Variants in MYO10 observed in about 807,000 individuals in gnomAD.
MYO10 encodes the protein unconventional myosin-X.
MYO10 carries 133 observed loss-of-function variants against 257.3 expected under a neutral mutation model. The ratio of observed to expected loss-of-function variants is 0.52; its 90% confidence interval spans 0.45 to 0.60. MYO10 has a LOEUF of 0.60. Among genes scored for constraint, MYO10 ranks in the 20% least tolerant of loss-of-function variants. The pLI is 0.00. For missense variants in MYO10, 2,399 were observed against 2,635.7 expected (o/e 0.91, Z 1.97); for synonymous variants, 1,104 against 1,028.6 (o/e 1.07, Z -1.40).
rs145600391 is a variant in MYO10 at position 16,917,005 on chromosome 5, G to C, written c.21+18783C>G. Among the ~76,000 whole-genome samples, 519 of 152,128 alleles carry C rather than the reference G, an allele frequency of 3.4e-3. 1 individual carries two copies. Among genetic ancestry groups the C allele is most frequent in the Middle Eastern group, 0.014 (4 of 292 alleles). ...TCAGGTCCGTATTGTCTGTTCCTTC[G>C]CTTCTTAGGATCAGTGGAAACTCAA... On this transcript the variant is annotated intron_variant, in intron 1 of 40. Transcript: ENST00000513610.
intron 19 of MYO10, among the ~76,000 whole-genome samples, chr5:16,749,709 A>G (rs953068488): frequency 6.6e-6 from 1 of 152,220 alleles, no homozygotes; most frequent in Non-Finnish European, 1.5e-5. Flanking sequence ...TCCTGGACAC[A>G]GCAAACCTAA....
intron 1 of MYO10, among the ~76,000 whole-genome samples, chr5:16,908,862 A>G (rs560921379): frequency 7.2e-5 from 11 of 152,352 alleles, no homozygotes; most frequent in South Asian, 2.1e-4. Flanking sequence ...GAAAGCAGCC[A>G]AACACAAAAG....
intron 2 of MYO10, among the ~76,000 whole-genome samples, chr5:16,838,911 GGT>G (rs1743389990): frequency 6.6e-6 from 1 of 152,128 alleles, no homozygotes; most frequent in Non-Finnish European, 1.5e-5. Flanking sequence ...TTTACAGCAT[GGT>G]TTTAGTGATA....
At chr5:16,914,404 T>C (rs908051927) in intron 1 of MYO10, among the ~76,000 whole-genome samples, 1 of 152,136 alleles carries the variant, frequency 6.6e-6, no homozygotes, top group East Asian at 1.9e-4. Context: ...GAACCTAACA[T>C]GCGTTATCAG....
In MYO10 at chr5:16,707,834, T is replaced by C. The variant is rs188583271; in HGVS notation, c.2169+3074A>G. 1.5e-4 allele frequency among the ~76,000 whole-genome samples: 23 copies of C among 152,360 alleles called. No individual in the cohort carries two copies. The East Asian group carries it at 4.4e-3, about 29-fold the overall frequency. On this transcript the variant is annotated intron_variant, in intron 21 of 40. Transcript: ENST00000513610. Reference sequence around the variant, plus strand: ...GCTTCTCCAGTCCTCTAGGTAAGAATGCTTGCCTTACAAGAACAAATATGT... The same window carrying C: ...GCTTCTCCAGTCCTCTAGGTAAGAACGCTTGCCTTACAAGAACAAATATGT...
intron 1 of MYO10, among the ~76,000 whole-genome samples, chr5:16,882,249 G>A (rs1561036442): frequency 6.6e-6 from 1 of 152,150 alleles, no homozygotes; most frequent in South Asian, 2.1e-4. Flanking sequence ...TGCCAACAAT[G>A]ATTTCCTGGA....
Position 16,736,895 on chromosome 5 carries a change from T to C in MYO10, c.1929+17933A>G, listed in dbSNP as rs183454289. Among the ~76,000 whole-genome samples, 11 of 152,344 alleles carry C rather than the reference T, an allele frequency of 7.2e-5. No individual in the cohort carries two copies. In the East Asian group the frequency reaches 1.5e-3, roughly 21 times the overall value. ...TGTTTTAGCTCAGCAAAATTTGTCGTAGACCCCTACTTATGTGTTATAATA... is the reference window on the plus strand; with the variant it reads ...TGTTTTAGCTCAGCAAAATTTGTCGCAGACCCCTACTTATGTGTTATAATA... On this transcript the variant is annotated intron_variant, in intron 19 of 40. Transcript: ENST00000513610.
At chr5:16,853,053 G>C (rs1373541252) in intron 2 of MYO10, among the ~76,000 whole-genome samples, 1 of 152,070 alleles carries the variant, frequency 6.6e-6, no homozygotes, top group Non-Finnish European at 1.5e-5. Context: ...AGAGAGCCTC[G>C]AAATCCATTA....
At chr5:16,731,579 C>G (rs1739583669) in intron 19 of MYO10, among the ~76,000 whole-genome samples, 1 of 151,552 alleles carries the variant, frequency 6.6e-6, no homozygotes, top group Non-Finnish European at 1.5e-5. Flanking sequence ...TAACTCCTGA[C>G]CTCAAGCAAT....
At chr5:16,738,076 A>T (rs1197830651) in intron 19 of MYO10, 1 of 951,518 alleles carries the variant, frequency 1.1e-6, no homozygotes, top group Non-Finnish European at 1.3e-6. Flanking sequence ...AAGGGAGATG[A>T]TGAGGCCAAA....
chr5:16,856,864 CATGCCAGGTGGCA>C (rs1274212708), intron 2 of MYO10, among the ~76,000 whole-genome samples: 1 of 152,192 alleles, frequency 6.6e-6, no homozygotes, highest in African/African-American at 2.4e-5. Flanking sequence ...CTGGTTCCTT[CATGCCAGGTGGCA>C]TGGACAATGG....
intron 25 of MYO10, among the ~76,000 whole-genome samples, chr5:16,700,602 G>A (rs938464744): frequency 6.6e-5 from 10 of 152,066 alleles, no homozygotes; most frequent in African/African-American, 1.9e-4. Context: ...GCTTGGACCC[G>A]AGAGGTGGGG....
chr5:16,755,055 CA>C (rs1740488766), intron 18 of MYO10, 147 bp from the exon 19 acceptor site: 1 of 436,314 alleles, frequency 2.3e-6, no homozygotes, highest in African/African-American at 2.0e-5. Context: ...TTTTAATTGT[CA>C]TTCTAATATA....
intron 19 of MYO10, among the ~76,000 whole-genome samples, chr5:16,722,480 CTT>C (rs759638118): frequency 1.0e-4 from 15 of 145,366 alleles, no homozygotes; most frequent in Admixed American, 4.3e-4. Context: ...TTTTGCCTCT[CTT>C]ACAGATTTTG....
In MYO10 at chr5:16,888,357, C is replaced by A. The variant is rs545354753; in HGVS notation, c.22-10650G>T. On this transcript the variant is annotated intron_variant, in intron 1 of 40. Coordinates refer to ENST00000513610, the MANE Select transcript of MYO10 (RefSeq NM_012334.3). ...CACCCTAGGCAAGATGGTGAGACTT[C>A]ATCTCTACAACATTTTTTTTAATTA... Among the ~76,000 whole-genome samples the A allele has an allele frequency of 2.0e-3, 300 of 152,154 alleles. 1 individual carries two copies. Among genetic ancestry groups the A allele is most frequent in the Non-Finnish European group, 3.6e-3 (245 of 68,030 alleles).
At chr5:16,815,594 T>A (rs1742579764) in intron 3 of MYO10, 4 of 620,866 alleles carry the variant, frequency 6.4e-6, no homozygotes, top group Non-Finnish European at 1.1e-5. Context: ...CCTGGCAGTG[T>A]CCTTGGTTCC....
chr5:16,679,397 G>C (rs557693985), intron 33 of MYO10, among the ~76,000 whole-genome samples: 1 of 152,286 alleles, frequency 6.6e-6, no homozygotes, highest in South Asian at 2.1e-4. Context: ...AGGTGGGATC[G>C]GGTGACTCAG....
chr5:16,728,305 G>C (rs1176060229), intron 19 of MYO10, among the ~76,000 whole-genome samples: 1 of 151,968 alleles, frequency 6.6e-6, no homozygotes, highest in East Asian at 1.9e-4. Flanking sequence ...CTCCTTCTGC[G>C]GGCTGCCCTC....
At chr5:16,769,970 G>A (rs990865955) in intron 9 of MYO10, among the ~76,000 whole-genome samples, 1 of 152,004 alleles carries the variant, frequency 6.6e-6, no homozygotes, top group Non-Finnish European at 1.5e-5. Flanking sequence ...GGGGTCTCAT[G>A]TTGGCCAGGC....
Sources: gnomAD v4.1 joint callset for allele counts (sites outside exome capture counted in the v4.1 genomes callset) on GRCh38, gnomAD v4.1.1 for gene constraint, MANE v1.5 for transcripts, NCBI Gene and HGNC (gene_info 2026-07-23, HGNC 2026-07-21) for gene names.